TENM3: variants seen among roughly 807,000 people sequenced by gnomAD.
The protein encoded by TENM3 is teneurin transmembrane protein 3, also known as teneurin-3.
TENM3 carries 63 observed loss-of-function variants against 255.1 expected under a neutral mutation model. The ratio of observed to expected loss-of-function variants is 0.25; its 90% confidence interval spans 0.20 to 0.30. The LOEUF (loss-of-function observed/expected upper bound fraction) is 0.30. Among genes scored for constraint, TENM3 ranks in the 10% least tolerant of loss-of-function variants. TENM3 has a pLI of 1.00. For synonymous variants in TENM3, 1,306 were observed against 1,322.3 expected (o/e 0.99, Z 0.27); for missense variants, 2,929 against 3,461.1 (o/e 0.85, Z 3.86).
At chr4:181,744,278 C>T in the TENM3 span, among the ~76,000 whole-genome samples, 2,262 of 152,184 alleles carry the variant, frequency 0.015, 64 homozygotes, top group African/African-American at 0.052. Flanking sequence ...GGTGCGTCAA[C>T]GAACATACCC....
At chr4:181,953,445 A>G in the TENM3 span, among the ~76,000 whole-genome samples, 353 of 152,238 alleles carry the variant, frequency 2.3e-3, 2 homozygotes, top group African/African-American at 7.9e-3. Flanking sequence ...GCCCACTACC[A>G]TCATATGTTA....
rs1456059500 is a variant in TENM3 at position 182,353,698 on chromosome 4, TG to T, written c.511+6771del. 3.3e-5 allele frequency among the ~76,000 whole-genome samples: 5 copies of T among 152,376 alleles called. No individual in the cohort carries two copies. In the East Asian group the frequency reaches 7.7e-4, roughly 24 times the overall value. On this transcript the variant is annotated intron_variant, in intron 3 of 27. Transcript: ENST00000511685. ...TTATGATTTAACTGGCTGGGCGTGG[TG>T]GCTCACGCCTGTAATCCCAGCACTT...
At chr4:181,449,739 A>T in the TENM3 span, among the ~76,000 whole-genome samples, 4 of 152,204 alleles carry the variant, frequency 2.6e-5, no homozygotes, top group Non-Finnish European at 4.4e-5. Flanking sequence ...ATGAGCCGAG[A>T]TCGTGCCGCT....
At chr4:181,594,067 TAATC>T in the TENM3 span, among the ~76,000 whole-genome samples, 13,401 of 151,862 alleles carry the variant, frequency 0.088, 727 homozygotes, top group Middle Eastern at 0.14. Context: ...ACAGAAGTGA[TAATC>T]AACCTAATAA....
chr4:182,119,641 G>A, the TENM3 span, among the ~76,000 whole-genome samples: 2 of 152,052 alleles, frequency 1.3e-5, no homozygotes, highest in Non-Finnish European at 2.9e-5. Context: ...TTTTTTTCTT[G>A]TTCTTAGGAC....
the TENM3 span, among the ~76,000 whole-genome samples, chr4:181,706,196 T>A: frequency 6.6e-6 from 1 of 152,136 alleles, no homozygotes; most frequent in Non-Finnish European, 1.5e-5. Context: ...TCTGTCCATG[T>A]CTGTGTCCAA....
At chr4:182,395,434 C>T (rs1768741232) in intron 3 of TENM3, among the ~76,000 whole-genome samples, 1 of 152,070 alleles carries the variant, frequency 6.6e-6, no homozygotes, top group Non-Finnish European at 1.5e-5. Flanking sequence ...AAATGTGGCC[C>T]TCAGGGCTAA....
chr4:182,727,582 A>G (rs1255427829), intron 13 of TENM3, among the ~76,000 whole-genome samples: 2 of 152,228 alleles, frequency 1.3e-5, no homozygotes, highest in African/African-American at 2.4e-5. Flanking sequence ...GCTTTTAAAC[A>G]GGATACTTGC....
the TENM3 span, among the ~76,000 whole-genome samples, chr4:181,762,033 A>G: frequency 6.6e-6 from 1 of 152,222 alleles, no homozygotes; most frequent in Non-Finnish European, 1.5e-5. Flanking sequence ...CGTGCTCACA[A>G]GCAATTCTTG....
the TENM3 span, among the ~76,000 whole-genome samples, chr4:181,854,508 C>T: frequency 6.6e-6 from 1 of 152,070 alleles, no homozygotes; most frequent in East Asian, 1.9e-4. Context: ...TTCCAACTGG[C>T]AATAAATGGT....
chr4:182,736,040 T>G (rs558249053), intron 16 of TENM3, among the ~76,000 whole-genome samples: 1 of 152,180 alleles, frequency 6.6e-6, no homozygotes, highest in Non-Finnish European at 1.5e-5. Context: ...TAATAACATA[T>G]TAGTTGCTCT....
the TENM3 span, among the ~76,000 whole-genome samples, chr4:182,100,506 C>CAT: frequency 2.1e-5 from 3 of 143,540 alleles, no homozygotes; most frequent in Non-Finnish European, 4.5e-5. Flanking sequence ...CACACACACA[C>CAT]ATATATATAC....
the TENM3 span, among the ~76,000 whole-genome samples, chr4:181,794,160 T>A: frequency 1.5e-4 from 22 of 151,376 alleles, no homozygotes; most frequent in African/African-American, 5.3e-4. Flanking sequence ...ATTTGACAGA[T>A]AAAAATTACA....
the TENM3 span, among the ~76,000 whole-genome samples, chr4:181,528,471 C>T: frequency 6.6e-6 from 1 of 152,160 alleles, no homozygotes; most frequent in Non-Finnish European, 1.5e-5. Flanking sequence ...AAATGAGACT[C>T]GCAAAGCACA....
At chr4:182,370,102 T>A (rs1766704677) in intron 3 of TENM3, among the ~76,000 whole-genome samples, 1 of 152,236 alleles carries the variant, frequency 6.6e-6, no homozygotes, top group African/African-American at 2.4e-5. Context: ...ACTACAAAGC[T>A]AATTTTGCAA....
intron 3 of TENM3, chr4:182,448,982 GC>G: frequency 5.0e-6 from 2 of 399,578 alleles, no homozygotes; most frequent in East Asian, 1.4e-4. Flanking sequence ...CGCAGCCCGA[GC>G]CCGGAGCCAG....
chr4:182,092,821 G>A, the TENM3 span, among the ~76,000 whole-genome samples: 1 of 152,110 alleles, frequency 6.6e-6, no homozygotes, highest in Non-Finnish European at 1.5e-5. Context: ...TAAAATTTAA[G>A]GTTAAGGTAG....
the TENM3 span, among the ~76,000 whole-genome samples, chr4:181,596,388 T>G: frequency 6.6e-6 from 1 of 152,144 alleles, no homozygotes; most frequent in East Asian, 1.9e-4. Flanking sequence ...GATCCCAGTT[T>G]TGGGTGTCTT....
At chr4:182,098,100 C>A in the TENM3 span, among the ~76,000 whole-genome samples, 3 of 152,136 alleles carry the variant, frequency 2.0e-5, no homozygotes, top group South Asian at 6.2e-4. Context: ...CATTACTAAT[C>A]ATCAGAGAAA....
Sources: allele counts gnomAD v4.1 joint callset (sites outside exome capture counted in the v4.1 genomes callset), GRCh38; gene constraint gnomAD v4.1.1; transcripts MANE v1.5; gene names NCBI Gene and HGNC (gene_info 2026-07-23, HGNC 2026-07-21).